FAM149A: variants seen among roughly 807,000 people sequenced by gnomAD.
The protein encoded by FAM149A is protein FAM149A.
FAM149A carries 71 observed loss-of-function variants against 78.2 expected under a neutral mutation model. The ratio of observed to expected loss-of-function variants is 0.91; its 90% confidence interval spans 0.75 to 1.11. The LOEUF is 1.11. Ranked by LOEUF, FAM149A falls within the 50% of genes least tolerant of loss-of-function variation. The pLI, the probability that FAM149A is intolerant of heterozygous loss-of-function variation, is 0.00. For missense variants in FAM149A, 1,036 were observed against 971.0 expected, an observed-to-expected ratio of 1.07 and a Z score of -0.89; for synonymous variants, 446 against 410.5, an observed-to-expected ratio of 1.09 and a Z score of -1.04.
intron 7 of FAM149A, 136 bp from the exon 8 acceptor site, chr4:186,157,429 G>A (rs1196894283): frequency 5.0e-5 from 42 of 834,290 alleles, no homozygotes; most frequent in East Asian, 3.2e-4. Flanking sequence ...TCTGCCCTCC[G>A]TGGTAACATG....
At chr4:186,162,725 C>G in intron 8 of FAM149A, 120 bp from the exon 9 acceptor site, 1 of 622,790 alleles carries the variant, frequency 1.6e-6, no homozygotes, top group Non-Finnish European at 2.9e-6. Context: ...AGTTTTTCCT[C>G]CAGTTAGCTG....
intron 1 of FAM149A, chr4:186,130,285 C>CTT (rs1446324496): frequency 2.5e-5 from 1 of 40,336 alleles, no homozygotes. Flanking sequence ...CTCTCTCTCT[C>CTT]TCTCTCTCTA....
intron 1 of FAM149A, chr4:186,127,454 A>G: frequency 1.0e-6 from 1 of 985,446 alleles, no homozygotes; most frequent in Non-Finnish European, 1.2e-6. Context: ...AGAGATGTCA[A>G]GAGGCTGGCC....
intron 1 of FAM149A, chr4:186,125,332 G>T (rs1366811914): frequency 3.0e-6 from 3 of 985,152 alleles, no homozygotes; most frequent in African/African-American, 1.7e-5. Flanking sequence ...TGAACACAGA[G>T]CCAGGATGCC....
At chr4:186,139,539 C>T (rs541224947) in intron 1 of FAM149A, among the ~76,000 whole-genome samples, 52 of 152,222 alleles carry the variant, frequency 3.4e-4, no homozygotes, top group Admixed American at 5.2e-4. Context: ...AGCATGGAGC[C>T]GGCACCAGAC....
intron 4 of FAM149A, among the ~76,000 whole-genome samples, chr4:186,152,388 G>C (rs140629748): frequency 1.3e-5 from 2 of 152,176 alleles, no homozygotes; most frequent in African/African-American, 4.8e-5. Context: ...AGAACACAGC[G>C]AGGGTGGGCA....
At chr4:186,136,808 C>T (rs1199330043) in intron 1 of FAM149A, among the ~76,000 whole-genome samples, 2 of 152,140 alleles carry the variant, frequency 1.3e-5, no homozygotes, top group African/African-American at 2.4e-5. Context: ...GCCAGGCTGC[C>T]CACAGCCTAA....
intron 1 of FAM149A, among the ~76,000 whole-genome samples, chr4:186,139,255 G>C (rs1466666516): frequency 6.6e-6 from 1 of 152,054 alleles, no homozygotes; most frequent in Admixed American, 6.6e-5. Flanking sequence ...ATATTGCCCT[G>C]CCTCAGCCCC....
At chr4:186,149,104 T>G in intron 1 of FAM149A, 69 bp from the exon 2 acceptor site, 1 of 1,200,698 alleles carries the variant, frequency 8.3e-7, no homozygotes, top group South Asian at 1.5e-5. Flanking sequence ...AGAGAAATTT[T>G]AAAAGTCTTA....
At chr4:186,156,604 G>A (rs1016216729) in intron 7 of FAM149A, among the ~76,000 whole-genome samples, 2 of 151,736 alleles carry the variant, frequency 1.3e-5, no homozygotes, top group Non-Finnish European at 2.9e-5. Context: ...AACCCAGGAG[G>A]TGGAGATTGA....
At chr4:186,170,533 G>T (rs531362737) in intron 13 of FAM149A, among the ~76,000 whole-genome samples, 6 of 152,156 alleles carry the variant, frequency 3.9e-5, no homozygotes, top group Non-Finnish European at 8.8e-5. Flanking sequence ...GCCAACCCCC[G>T]CCTAGAACCA....
At position 186,152,015 on chromosome 4, in the gene FAM149A, G is replaced by A. The variant is rs1434031596; in HGVS notation, c.902G>A (p.Gly301Glu). ...ACCCAGAGTCTGCTGGCCGAATGCG[G>A]GGAGTGGACAAGAAGATCCCTCCAT... Residue 301 changes from glycine (G) to glutamate (E), a missense_variant, in exon 4 of 14, where the codon GGG becomes GAG. Physicochemically the swap from Gly to Glu is moderately conservative, Grantham distance 98. Transcript: ENST00000389354. 11 of 1,614,136 alleles carry A rather than the reference G, an allele frequency of 6.8e-6. 1 individual carries two copies. In the South Asian group the frequency reaches 8.8e-5, roughly 13 times the overall value.
intron 1 of FAM149A, chr4:186,145,110 C>A: frequency 1.0e-6 from 1 of 985,596 alleles, no homozygotes; most frequent in Non-Finnish European, 1.2e-6. Context: ...TGATCGTAAT[C>A]GGGTGAGTCT....
chr4:186,144,707 T>G lies in FAM149A; in HGVS notation c.567-4466T>G. ...CGGCAGGGAGCGGGGAAGGCGCGCT[T>G]TCCCGGAGGTCGGCGCGGGGCCGGG... is the stretch of plus-strand genomic sequence containing the variant. On this transcript the variant is annotated intron_variant, in intron 1 of 13. Transcript: ENST00000389354. This position sits in a 1 kb window ranked among gnomAD's most constrained non-coding sequence, Gnocchi z 4.2. 3 of 677,970 alleles carry G rather than the reference T, an allele frequency of 4.4e-6. No homozygotes were observed. The highest frequency in any genetic ancestry group is 6.3e-5 in the South Asian group (1 of 15,848). 42.0% of individuals were successfully genotyped at this position (677,970 alleles called of 1,614,324 possible).
chr4:186,126,910 G>A (rs2099318556), intron 1 of FAM149A: 5 of 985,388 alleles, frequency 5.1e-6, no homozygotes, highest in Non-Finnish European at 6.0e-6. Context: ...TAAATGGGCG[G>A]TGTATCACAA....
At chr4:186,143,245 G>C (rs1579855323) in intron 1 of FAM149A, among the ~76,000 whole-genome samples, 1 of 143,188 alleles carries the variant, frequency 7.0e-6, no homozygotes, top group South Asian at 2.3e-4. Context: ...TCCCATCTTG[G>C]CCTCTCAAAA....
intron 1 of FAM149A, among the ~76,000 whole-genome samples, chr4:186,137,011 T>C (rs577538755): frequency 8.8e-4 from 121 of 137,618 alleles, no homozygotes; most frequent in Middle Eastern, 7.5e-3. Context: ...TCTCTCTCTC[T>C]CTCTCTCTAA....
At position 186,111,609 on chromosome 4, in the gene FAM149A, C is replaced by T. The variant is rs1481847181; in HGVS notation, c.566+5967C>T. 3.5e-3 allele frequency among the ~76,000 whole-genome samples: 533 copies of T among 150,752 alleles called. 2 individuals are homozygous for T. Among genetic ancestry groups the T allele is most frequent in the African/African-American group, 0.013 (507 of 40,404 alleles). On this transcript the variant is annotated intron_variant, in intron 1 of 13. Coordinates refer to ENST00000389354, the MANE Select transcript of FAM149A (RefSeq NM_001367768.3). ...GAAGGGATCCACTTTCAGCTTTCTACATATGGCTAGCCAGTTTTCCCAGCA... is the reference window on the plus strand; with the variant it reads ...GAAGGGATCCACTTTCAGCTTTCTATATATGGCTAGCCAGTTTTCCCAGCA...
chr4:186,154,806 C>T (rs769524737), intron 6 of FAM149A, 168 bp downstream of exon 6: 15 of 985,226 alleles, frequency 1.5e-5, no homozygotes, highest in South Asian at 4.7e-5. Context: ...TCCTAGCCAG[C>T]GGTGCACGTG....
Sources: allele counts gnomAD v4.1 joint callset (sites outside exome capture counted in the v4.1 genomes callset), GRCh38; gene constraint gnomAD v4.1.1; non-coding constraint Gnocchi (gnomAD v3.1); transcripts MANE v1.5; gene names NCBI Gene and HGNC (gene_info 2026-07-23, HGNC 2026-07-21).